Variants in EPHA7 observed in about 807,000 individuals in gnomAD.
EPHA7 encodes the protein EPH receptor A7.
A neutral mutation model predicts 112.6 loss-of-function variants in EPHA7; 25 were observed. The observed-to-expected ratio is 0.22, with a 90% CI of 0.16 to 0.31. The LOEUF is 0.31. EPHA7 is among the 10% of genes least tolerant of loss of function. EPHA7 has a pLI of 1.00. For missense variants in EPHA7, 962 were observed against 1,212.6 expected, an observed-to-expected ratio of 0.79 and a Z score of 3.07; for synonymous variants, 437 against 406.5, an observed-to-expected ratio of 1.07 and a Z score of -0.90.
rs536121962 is a variant in EPHA7 at position 93,401,151 on chromosome 6, G to A, written c.832+9350C>T. Among the ~76,000 whole-genome samples, 10 of 152,006 alleles carry A rather than the reference G, an allele frequency of 6.6e-5. No homozygotes were observed. The East Asian group carries it at 9.7e-4, about 15-fold the overall frequency. On this transcript the variant is annotated intron_variant, in intron 3 of 16. Coordinates refer to ENST00000369303, the MANE Select transcript of EPHA7 (RefSeq NM_004440.4). Reference sequence around the variant, plus strand: ...AGTATGTGTCCTTTCAAAGCCCCCTGATTTTCTAATACATTAGGAGCAAGA... The same window carrying A: ...AGTATGTGTCCTTTCAAAGCCCCCTAATTTTCTAATACATTAGGAGCAAGA...
intron 5 of EPHA7, among the ~76,000 whole-genome samples, chr6:93,279,080 T>C (rs923924911): frequency 2.0e-5 from 3 of 152,046 alleles, no homozygotes; most frequent in African/African-American, 7.2e-5. Flanking sequence ...AAAATGTGTG[T>C]ATATGCGACA....
At chr6:93,243,616 T>G (rs1388457827) in intron 16 of EPHA7, 76 bp from the exon 17 acceptor site, 2 of 984,368 alleles carry the variant, frequency 2.0e-6, no homozygotes, top group Non-Finnish European at 3.3e-6. Flanking sequence ...ATCAACTGTT[T>G]AATTAAATAC....
In EPHA7 at chr6:93,350,040, C is replaced by T. The variant is rs557811817; in HGVS notation, c.1324+6677G>A. 3.9e-5 allele frequency among the ~76,000 whole-genome samples: 6 copies of T among 152,012 alleles called. No homozygotes were observed. In the East Asian group the frequency reaches 7.7e-4, roughly 20 times the overall value. On this transcript the variant is annotated intron_variant, in intron 5 of 16. Transcript: ENST00000369303. ...ATTACAAATCAAAGTAAAGGGAATA[C>T]TGACGCAAACCTTTATTTTGGCTGA...
chr6:93,394,545 TC>T (rs1311903200), intron 3 of EPHA7, among the ~76,000 whole-genome samples: 2 of 151,768 alleles, frequency 1.3e-5, no homozygotes, highest in African/African-American at 4.8e-5. Context: ...ATGTAAGATC[TC>T]ATCTGATTTT....
chr6:93,287,382 T>TA (rs1016331434), intron 5 of EPHA7, among the ~76,000 whole-genome samples: 1 of 152,110 alleles, frequency 6.6e-6, no homozygotes, highest in Non-Finnish European at 1.5e-5. Flanking sequence ...GAGTTATTGA[T>TA]AAGGTTACTC....
intron 3 of EPHA7, among the ~76,000 whole-genome samples, chr6:93,371,051 C>A (rs1468887623): frequency 6.6e-6 from 1 of 151,454 alleles, no homozygotes; most frequent in Non-Finnish European, 1.5e-5. Context: ...GTAGTCCCAG[C>A]TACTCAGGAG....
chr6:93,358,607 C>T (rs914853575), intron 3 of EPHA7, among the ~76,000 whole-genome samples, 196 bp from the exon 4 acceptor site: 4 of 152,104 alleles, frequency 2.6e-5, no homozygotes, highest in African/African-American at 9.7e-5. Context: ...ATAATACAAA[C>T]AAAATGATAC....
At chr6:93,250,035 C>A (rs76346901) in intron 14 of EPHA7, among the ~76,000 whole-genome samples, 2,655 of 152,146 alleles carry the variant, frequency 0.017, 31 homozygotes, top group African/African-American at 0.027. Flanking sequence ...AAGTGAAACT[C>A]CTAGCTATAT....
At chr6:93,276,572 T>G (rs1771481091) in intron 5 of EPHA7, among the ~76,000 whole-genome samples, 1 of 151,980 alleles carries the variant, frequency 6.6e-6, no homozygotes, top group Non-Finnish European at 1.5e-5. Flanking sequence ...AATAAATGAG[T>G]GTTTTAAATT....
chr6:93,260,643 G>A (rs539022064), intron 9 of EPHA7: 1 of 976,968 alleles, frequency 1.0e-6, no homozygotes, highest in East Asian at 1.1e-4. Flanking sequence ...ACAAAAAGAA[G>A]CAAAATGTAT....
At chr6:93,413,087 C>A (rs1167785491) in intron 2 of EPHA7, among the ~76,000 whole-genome samples, 4 of 151,840 alleles carry the variant, frequency 2.6e-5, no homozygotes, top group Admixed American at 2.6e-4. Context: ...ACAAATGACG[C>A]CATTGGGAAA....
At chr6:93,384,490 C>A (rs1777501668) in intron 3 of EPHA7, among the ~76,000 whole-genome samples, 1 of 152,038 alleles carries the variant, frequency 6.6e-6, no homozygotes, top group African/African-American at 2.4e-5. Flanking sequence ...CATAGAAAGC[C>A]CTCCAGAACT....
intron 5 of EPHA7, among the ~76,000 whole-genome samples, chr6:93,341,711 A>C (rs566600936): frequency 6.6e-6 from 1 of 151,986 alleles, no homozygotes; most frequent in African/African-American, 2.4e-5. Context: ...TTACACCAGC[A>C]AACTGATACA....
intron 5 of EPHA7, among the ~76,000 whole-genome samples, chr6:93,341,924 T>C (rs1775158212): frequency 6.6e-6 from 1 of 151,792 alleles, no homozygotes; most frequent in South Asian, 2.1e-4. Flanking sequence ...GAGAAAAAAT[T>C]CATAGGCATA....
chr6:93,412,328 TATTTTA>T (rs1280707244), intron 2 of EPHA7, among the ~76,000 whole-genome samples: 1 of 152,134 alleles, frequency 6.6e-6, no homozygotes, highest in African/African-American at 2.4e-5. Context: ...TAAATACTTT[TATTTTA>T]AATACTTGAT....
rs148115677 is a variant in EPHA7 at position 93,396,177 on chromosome 6, T to C, written c.832+14324A>G. Among the ~76,000 whole-genome samples, 652 of 151,988 alleles carry C rather than the reference T, an allele frequency of 4.3e-3. 4 individuals are homozygous for C. Among genetic ancestry groups the C allele is most frequent in the African/African-American group, 0.015 (608 of 41,536 alleles). ...GTCATTTATCTGTCGAAATTAACCT[T>C]GGATAATCTCACAGCATATTTCTAG... On this transcript the variant is annotated intron_variant, in intron 3 of 16. Transcript: ENST00000369303.
chr6:93,391,527 A>C (rs1354096543), intron 3 of EPHA7, among the ~76,000 whole-genome samples: 2 of 151,986 alleles, frequency 1.3e-5, no homozygotes, highest in Non-Finnish European at 2.9e-5. Context: ...CAAGGCAAGG[A>C]GCCTGAACAT....
chr6:93,343,852 T>G (rs141774137), intron 5 of EPHA7, among the ~76,000 whole-genome samples: 1 of 151,700 alleles, frequency 6.6e-6, no homozygotes, highest in Non-Finnish European at 1.5e-5. Flanking sequence ...ATGCAGCAAG[T>G]GTACCAGAAG....
At chr6:93,280,270 A>C (rs768306428) in intron 5 of EPHA7, among the ~76,000 whole-genome samples, 2 of 152,170 alleles carry the variant, frequency 1.3e-5, no homozygotes, top group Non-Finnish European at 2.9e-5. Context: ...CCCATTTGTA[A>C]TTCAGCATTT....
Sources: allele counts gnomAD v4.1 joint callset (sites outside exome capture counted in the v4.1 genomes callset), GRCh38; gene constraint gnomAD v4.1.1; transcripts MANE v1.5; gene names NCBI Gene and HGNC (gene_info 2026-07-23, HGNC 2026-07-21).